The following TGFBR3 variants were observed in gnomAD, a reference collection of about 807,000 sequenced individuals.
TGFBR3 encodes transforming growth factor beta receptor type 3.
A neutral mutation model predicts 87.9 loss-of-function variants in TGFBR3; 46 were observed. The observed-to-expected ratio is 0.52, with a 90% CI of 0.41 to 0.67. The LOEUF is 0.67. TGFBR3 is among the 30% of genes least tolerant of loss of function. TGFBR3 has a pLI of 0.00. For missense variants in TGFBR3, 866 were observed against 1,041.9 expected (o/e 0.83, Z 2.32); for synonymous variants, 381 against 391.6 (o/e 0.97, Z 0.32).
In TGFBR3 at chr1:91,722,100, C is replaced by A. The variant is rs1189469427; in HGVS notation, c.930G>T (p.Met310Ile). 6 of 1,613,742 alleles carry A rather than the reference C, an allele frequency of 3.7e-6. No homozygotes were observed. Among genetic ancestry groups the A allele is most frequent in the African/African-American group, 1.3e-5 (1 of 74,900 alleles). The change falls in exon 8 of 17, where the codon ATG becomes ATT. Residue 310 changes from methionine (M) to isoleucine (I), a missense_variant. Met to Ile is a conservative substitution (Grantham distance 10, BLOSUM62 1). Transcript: ENST00000212355. ...CATCTCTTATTGATTTGGTCATTGT[C>A]ATAGATCTTTCACTCTCTTTTCCAA... ...IGFGKESERS[M>I]TMTKSIRDDI... is the part of the protein sequence containing the mutation.
At chr1:91,876,302 G>C (rs560672909) in intron 1 of TGFBR3, among the ~76,000 whole-genome samples, 24 of 152,216 alleles carry the variant, frequency 1.6e-4, no homozygotes, top group Non-Finnish European at 2.6e-4. Flanking sequence ...AAGACCTGCC[G>C]GGGCTGATCT....
At chr1:91,784,517 C>T (rs1404461748) in intron 3 of TGFBR3, among the ~76,000 whole-genome samples, 1 of 152,158 alleles carries the variant, frequency 6.6e-6, no homozygotes, top group Non-Finnish European at 1.5e-5. Context: ...TAATTCCATA[C>T]TGTGGGAAGG....
Position 91,719,457 on chromosome 1 carries a change from C to A in TGFBR3, c.1421G>T (p.Gly474Val). The stretch of plus-strand genomic sequence containing the variant: ...CAGGGTGACGTCCATCCCCGAGTAG[C>A]CACTGGCCTAAAACAACAACCACCA... ...AVEKDSFQASGYSGMDVTLLD... is the reference protein window; with the variant it reads ...AVEKDSFQASVYSGMDVTLLD... The change falls in exon 10 of 17, where the codon GGC (glycine) becomes GTC (valine). Residue 474 changes from glycine (G) to valine (V), a missense_variant. Gly to Val is a moderately radical substitution (Grantham distance 109). Transcript: ENST00000212355. 6.2e-7 allele frequency: 1 copy of A among 1,614,036 alleles called. No homozygotes were observed. The highest frequency in any genetic ancestry group is 8.5e-7 in the Non-Finnish European group (1 of 1,180,010).
chr1:91,900,167 T>G (rs1010558632), intron 1 of TGFBR3, among the ~76,000 whole-genome samples: 3 of 152,160 alleles, frequency 2.0e-5, no homozygotes, highest in Non-Finnish European at 2.9e-5. Context: ...CAGGTTGGAG[T>G]GCAGTGGTGC....
chr1:91,887,022 T>C (rs1399700122), upstream of TGFBR3, among the ~76,000 whole-genome samples: 2 of 152,062 alleles, frequency 1.3e-5, no homozygotes, highest in East Asian at 3.9e-4. Context: ...CAGTTTTTCT[T>C]ATTAAAAAGT....
At chr1:91,686,052 G>C (rs1463864544) in intron 16 of TGFBR3, among the ~76,000 whole-genome samples, 1 of 152,060 alleles carries the variant, frequency 6.6e-6, no homozygotes, top group African/African-American at 2.4e-5. Flanking sequence ...GCTCACCTGG[G>C]CTTTGTTTGC....
chr1:91,886,143 C>T lies in TGFBR3; in HGVS notation c.-379G>A, dbSNP rs1293464732. On this transcript the variant is annotated 5_prime_UTR_variant, in exon 1 of 17. Transcript: ENST00000212355. ...AAAGTGCCGCTCGGCGTCCCCGAAACCCTCGATTACCCCCATCAGGCCGAC... is the reference window on the plus strand; with the variant it reads ...AAAGTGCCGCTCGGCGTCCCCGAAATCCTCGATTACCCCCATCAGGCCGAC... The T allele has an allele frequency of 4.4e-6, 2 of 454,008 alleles. No homozygotes were observed. The highest frequency in any genetic ancestry group is 4.0e-5 in the African/African-American group (2 of 50,024). The allele number at this position is 454,008 out of a possible 1,614,324, so 28.1% of individuals were successfully genotyped here.
intron 10 of TGFBR3, among the ~76,000 whole-genome samples, chr1:91,717,689 T>TAAAAAA: frequency 7.3e-6 from 1 of 136,168 alleles, no homozygotes; most frequent in Non-Finnish European, 1.6e-5. Flanking sequence ...GGAAGAAAAT[T>TAAAAAA]AAAAAAAAAA....
intron 1 of TGFBR3, among the ~76,000 whole-genome samples, chr1:91,867,637 C>T (rs934323659): frequency 3.9e-5 from 6 of 152,162 alleles, no homozygotes; most frequent in African/African-American, 1.2e-4. Context: ...TTTCACCCAC[C>T]CTTGCAATAC....
chr1:91,729,154 C>T (rs1444542341), intron 6 of TGFBR3, among the ~76,000 whole-genome samples: 1 of 47,502 alleles, frequency 2.1e-5, no homozygotes, highest in South Asian at 4.3e-4. Context: ...CCAGCATACA[C>T]ACACACACAC....
intron 3 of TGFBR3, among the ~76,000 whole-genome samples, chr1:91,797,026 C>G (rs1675412958): frequency 6.6e-6 from 1 of 152,108 alleles, no homozygotes; most frequent in Non-Finnish European, 1.5e-5. Context: ...CATCACCATG[C>G]CTGGCCTAAA....
At chr1:91,780,551 C>CT (rs60294904) in intron 3 of TGFBR3, among the ~76,000 whole-genome samples, 10,488 of 76,836 alleles carry the variant, frequency 0.14, 1,744 homozygotes, top group African/African-American at 0.24. Flanking sequence ...GGGTCTAAGG[C>CT]TTTTTTTTTT....
At chr1:91,754,063 G>C (rs1673651589) in intron 4 of TGFBR3, among the ~76,000 whole-genome samples, 1 of 152,110 alleles carries the variant, frequency 6.6e-6, no homozygotes. Flanking sequence ...GTGTGAAGTG[G>C]CATCTCACTG....
chr1:91,686,026 A>G (rs968569414), intron 16 of TGFBR3, among the ~76,000 whole-genome samples: 19 of 152,180 alleles, frequency 1.2e-4, no homozygotes, highest in African/African-American at 4.3e-4. Flanking sequence ...GGCCAACTCC[A>G]TCTTTTTCTT....
intron 2 of TGFBR3, among the ~76,000 whole-genome samples, chr1:91,836,618 T>C (rs2101102689): frequency 6.6e-6 from 1 of 152,188 alleles, no homozygotes; most frequent in Non-Finnish European, 1.5e-5. Context: ...TACTTAAACC[T>C]TTGAAATTTG....
intron 14 of TGFBR3, among the ~76,000 whole-genome samples, chr1:91,704,021 G>A (rs1299385812): frequency 1.3e-5 from 2 of 152,076 alleles, no homozygotes; most frequent in Non-Finnish European, 2.9e-5. Context: ...ATACTAATGT[G>A]ATATGGTATG....
intron 3 of TGFBR3, among the ~76,000 whole-genome samples, chr1:91,796,281 A>G (rs1026730388): frequency 5.3e-5 from 8 of 152,290 alleles, no homozygotes; most frequent in Admixed American, 4.6e-4. Flanking sequence ...AGAGGACGCC[A>G]TTTCTCTCTG....
intron 15 of TGFBR3, 66 bp from the exon 16 acceptor site, chr1:91,695,845 T>C (rs1435013682): frequency 7.7e-7 from 1 of 1,292,370 alleles, no homozygotes; most frequent in Non-Finnish European, 1.1e-6. Flanking sequence ...TGCAATTTTA[T>C]ATTTGTTTCA....
intron 3 of TGFBR3, among the ~76,000 whole-genome samples, chr1:91,773,570 A>C (rs1242393054): frequency 6.6e-6 from 1 of 152,186 alleles, no homozygotes; most frequent in African/African-American, 2.4e-5. Flanking sequence ...AATCTCAGCT[A>C]ATCAGGAGGC....
Sources: gnomAD v4.1 joint callset for allele counts (sites outside exome capture counted in the v4.1 genomes callset) on GRCh38, gnomAD v4.1.1 for gene constraint, MANE v1.5 for transcripts, NCBI Gene and HGNC (gene_info 2026-07-23, HGNC 2026-07-21) for gene names.